KLF8: variants seen among roughly 807,000 people sequenced by gnomAD.
KLF8 encodes KLF transcription factor 8, also known as Krueppel-like factor 8.
In KLF8, 10 loss-of-function variants were observed where a neutral mutation model predicts 18.2. The ratio of observed to expected loss-of-function variants is 0.55; its 90% CI spans 0.34 to 0.93. The LOEUF is 0.93. Ranked by LOEUF, KLF8 falls within the 40% of genes least tolerant of loss-of-function variation. The pLI is 0.02. For missense variants in KLF8, 264 were observed against 277.9 expected (o/e 0.95, Z 0.36); for synonymous variants, 109 against 97.3 (o/e 1.12, Z -0.71).
At chrX:56,154,802 A>G in the KLF8 span, among the ~76,000 whole-genome samples, 3 of 112,158 alleles carry the variant, frequency 2.7e-5, no homozygotes, top group East Asian at 8.4e-4. Flanking sequence ...AAGGATATGA[A>G]CAGACACTTC....
chrX:55,992,084 C>G, the KLF8 span, among the ~76,000 whole-genome samples: 1 of 112,110 alleles, frequency 8.9e-6, no homozygotes, highest in Non-Finnish European at 1.9e-5. Context: ...ATTTATTGTT[C>G]TTTGCAGAAG....
the KLF8 span, among the ~76,000 whole-genome samples, chrX:56,064,890 T>C: frequency 4.5e-5 from 5 of 111,666 alleles, no homozygotes; most frequent in African/African-American, 1.6e-4. Flanking sequence ...CTGGCAGTTT[T>C]TTTTCTTTCA....
At chrX:56,270,361 C>CACACAT (rs771156933) in intron 5 of KLF8, 40 bp downstream of exon 5, 4 of 1,030,748 alleles carry the variant, frequency 3.9e-6, no homozygotes, top group Admixed American at 2.9e-5. Flanking sequence ...CACACACACA[C>CACACAT]ACACACACAC....
At chrX:55,909,162 CT>C in the KLF8 span, among the ~76,000 whole-genome samples, 2 of 112,130 alleles carry the variant, frequency 1.8e-5, no homozygotes, top group East Asian at 5.6e-4. Context: ...TGCCTGGCTT[CT>C]TAAAGGGACA....
the KLF8 span, among the ~76,000 whole-genome samples, chrX:56,201,221 G>A: frequency 9.0e-6 from 1 of 111,658 alleles, no homozygotes; most frequent in South Asian, 3.7e-4. Flanking sequence ...ATGTCCATTG[G>A]CACAAGAATG....
chrX:56,004,867 A>T, the KLF8 span, among the ~76,000 whole-genome samples: 1 of 110,992 alleles, frequency 9.0e-6, no homozygotes, highest in African/African-American at 3.3e-5. Flanking sequence ...CATTTGTGGT[A>T]TGACTGACAA....
intron 3 of KLF8, 164 bp from the exon 4 acceptor site, chrX:56,269,214 A>G (rs887941165): frequency 1.4e-5 from 14 of 1,033,147 alleles, no homozygotes; most frequent in Admixed American, 8.8e-5. Context: ...ATAAAATGTT[A>G]TTCTCTTCCT....
At chrX:56,077,538 A>T in the KLF8 span, among the ~76,000 whole-genome samples, 1 of 111,977 alleles carries the variant, frequency 8.9e-6, no homozygotes, top group African/African-American at 3.2e-5. Context: ...TGATTTGGTT[A>T]CTGTAGCCTT....
At chrX:56,195,354 G>A in the KLF8 span, among the ~76,000 whole-genome samples, 3 of 111,820 alleles carry the variant, frequency 2.7e-5, no homozygotes, top group Admixed American at 9.5e-5. Flanking sequence ...TAGATGAATG[G>A]CTAACTAGAG....
At chrX:56,177,789 G>A in the KLF8 span, among the ~76,000 whole-genome samples, 2 of 111,351 alleles carry the variant, frequency 1.8e-5, no homozygotes, top group Non-Finnish European at 3.8e-5. Context: ...ACCTACTCAA[G>A]CCTCAGAAAT....
At chrX:56,182,127 T>A in the KLF8 span, among the ~76,000 whole-genome samples, 19 of 111,880 alleles carry the variant, frequency 1.7e-4, no homozygotes, top group African/African-American at 5.5e-4. Context: ...TCTTTTCACA[T>A]AGTCCTATAT....
the KLF8 span, among the ~76,000 whole-genome samples, chrX:56,042,283 T>G: frequency 8.9e-6 from 1 of 112,007 alleles, no homozygotes; most frequent in African/African-American, 3.3e-5. Context: ...GAGGAGTGTT[T>G]TCTTTCTGAT....
chrX:56,012,795 A>G, the KLF8 span, among the ~76,000 whole-genome samples: 6 of 111,737 alleles, frequency 5.4e-5, no homozygotes, highest in Non-Finnish European at 1.1e-4. Flanking sequence ...AAAGTAATTT[A>G]TAGATTCAGT....
chrX:56,022,053 A>G, the KLF8 span, among the ~76,000 whole-genome samples: 2 of 111,471 alleles, frequency 1.8e-5, no homozygotes, highest in African/African-American at 3.3e-5. Context: ...AAACAAACAA[A>G]AAGCCTCACA....
At chrX:56,116,634 G>GAGATATAT in the KLF8 span, among the ~76,000 whole-genome samples, 106 of 78,157 alleles carry the variant, frequency 1.4e-3, no homozygotes, top group African/African-American at 5.0e-3. Flanking sequence ...ATGATGTTCT[G>GAGATATAT]ATATATATAT....
the KLF8 span, among the ~76,000 whole-genome samples, chrX:55,969,140 G>A: frequency 8.9e-6 from 1 of 111,802 alleles, no homozygotes; most frequent in East Asian, 2.8e-4. Context: ...CAATTGAATG[G>A]CTGCAGGATA....
the KLF8 span, among the ~76,000 whole-genome samples, chrX:56,212,700 CTGT>C: frequency 8.9e-6 from 1 of 112,209 alleles, no homozygotes; most frequent in Non-Finnish European, 1.9e-5. Context: ...CAACTCAGGG[CTGT>C]TTTTTCTATC....
chrX:55,965,369 T>C, the KLF8 span, among the ~76,000 whole-genome samples: 1 of 111,949 alleles, frequency 8.9e-6, no homozygotes, highest in African/African-American at 3.2e-5. Context: ...AGACTAGGCA[T>C]GGAAGAAACA....
At chrX:56,170,239 T>C in the KLF8 span, among the ~76,000 whole-genome samples, 1 of 109,875 alleles carries the variant, frequency 9.1e-6, no homozygotes, top group South Asian at 3.9e-4. Flanking sequence ...ACACAAAATA[T>C]GAAGATTACA....
Sources: gnomAD v4.1 joint callset for allele counts (sites outside exome capture counted in the v4.1 genomes callset) on GRCh38, gnomAD v4.1.1 for gene constraint, MANE v1.5 for transcripts, NCBI Gene and HGNC (gene_info 2026-07-23, HGNC 2026-07-21) for gene names.